PLEKHH1: variants seen among roughly 807,000 people sequenced by gnomAD.
PLEKHH1 encodes the protein pleckstrin homology, MyTH4 and FERM domain containing H1, also known as pleckstrin homology domain-containing family H member 1.
A neutral mutation model predicts 160.0 loss-of-function variants in PLEKHH1; 104 were observed. That is an observed-to-expected ratio of 0.65 (90% CI 0.55 to 0.76). The LOEUF is 0.76. Among genes scored for constraint, PLEKHH1 ranks in the 30% least tolerant of loss-of-function variants. The pLI is 0.00. For synonymous variants in PLEKHH1, 619 were observed against 678.4 expected (o/e 0.91, Z 1.36); for missense variants, 1,427 against 1,724.1 (o/e 0.83, Z 3.05).
At chr14:67,557,460 A>T (rs2034641420) in intron 4 of PLEKHH1, 42 bp downstream of exon 4, 1 of 1,590,274 alleles carries the variant, frequency 6.3e-7, no homozygotes, top group East Asian at 2.2e-5. Flanking sequence ...CCTCTTCGAC[A>T]TCTGTACTGC....
chr14:67,575,469 C>A lies in PLEKHH1; in HGVS notation c.2166C>A (p.Asp722Glu). 2 of 1,592,368 alleles carry A rather than the reference C, an allele frequency of 1.3e-6. No individual in the cohort carries two copies. Among genetic ancestry groups the A allele is most frequent in the Non-Finnish European group, 1.7e-6 (2 of 1,165,434 alleles). ...TCTACTACTATCGGAGCCATGAGGA[C>A]AAGGTACTTCTCAGCCTCCTCACAA... is the stretch of plus-strand genomic sequence containing the variant. ...KIFYYYRSHE[D>E]KRPLGCLPVR... The change falls in exon 15 of 29, where the codon GAC becomes GAA. Residue 722 changes from aspartate (D) to glutamate (E), a missense_variant. Asp to Glu is a conservative substitution (Grantham distance 45). Coordinates refer to ENST00000329153, the MANE Select transcript of PLEKHH1 (RefSeq NM_020715.3).
intron 28 of PLEKHH1, 134 bp downstream of exon 28, chr14:67,586,231 T>C (rs2036156199): frequency 1.7e-6 from 2 of 1,178,736 alleles, no homozygotes; most frequent in Admixed American, 1.7e-5. Context: ...TGTCTGTAAT[T>C]AGTATTCCAA....
At position 67,584,077 on chromosome 14, in the gene PLEKHH1, G is replaced by A. The variant is rs778960187; in HGVS notation, c.3652G>A (p.Val1218Met). 17 of 1,613,828 alleles carry A rather than the reference G, an allele frequency of 1.1e-5. No individual in the cohort carries two copies. Among genetic ancestry groups the A allele is most frequent in the African/African-American group, 5.3e-5 (4 of 74,928 alleles). The change falls in exon 26 of 29, where the codon GTG becomes ATG. Residue 1218 changes from valine to methionine, a missense_variant. Physicochemically the swap from Val to Met is conservative, Grantham distance 21 (BLOSUM62 1). This residue lies in a region of PLEKHH1 where 4 missense variants were observed against 16.8 expected (regional missense o/e 0.24). Transcript: ENST00000329153. The stretch of plus-strand genomic sequence containing the variant: ...TGAGTGCATCCGCATCTACCTGACC[G>A]TGGCCAGGAAATGGCCTTTCTTTGG... The part of the protein sequence containing the change: ...PPECIRIYLT[V>M]ARKWPFFGAK...
At chr14:67,544,330 A>G (rs1445477610) in intron 2 of PLEKHH1, among the ~76,000 whole-genome samples, 1 of 152,194 alleles carries the variant, frequency 6.6e-6, no homozygotes, top group Non-Finnish European at 1.5e-5. Flanking sequence ...GTGGTTTAGG[A>G]AACCCAAGTT....
intron 2 of PLEKHH1, among the ~76,000 whole-genome samples, chr14:67,542,497 C>CA (rs1354480241): frequency 1.3e-5 from 2 of 151,934 alleles, no homozygotes; most frequent in Non-Finnish European, 2.9e-5. Flanking sequence ...ACCTCTAAGG[C>CA]AAAAAAACAC....
At chr14:67,579,592 A>G in intron 21 of PLEKHH1, 129 bp from the exon 22 acceptor site, 1 of 907,056 alleles carries the variant, frequency 1.1e-6, no homozygotes, top group South Asian at 1.7e-5. Context: ...GAACACAGAA[A>G]CCAACTTGCT....
Position 67,570,004 on chromosome 14 carries a change from C to G in PLEKHH1, c.1426C>G (p.Leu476Val), listed in dbSNP as rs747329536. Residue 476 changes from leucine to valine, a missense_variant, in exon 9 of 29, where the codon CTG (leucine) becomes GTG (valine). Physicochemically the swap from Leu to Val is conservative, Grantham distance 32. Coordinates refer to ENST00000329153, the MANE Select transcript of PLEKHH1 (RefSeq NM_020715.3). ...TGTCACTGTGCCTGTCTACACAGCA[C>G]TGAAGGGGGTAAGAAACTGCTGCAC... ...KNVTVPVYTA[L>V]KGRATQISNM... The G allele has an allele frequency of 6.3e-7, 1 of 1,592,022 alleles. No homozygotes were observed. Among genetic ancestry groups the G allele is most frequent in the African/African-American group, 1.3e-5 (1 of 74,662 alleles).
chr14:67,584,403 T>C (rs563166070), intron 26 of PLEKHH1, among the ~76,000 whole-genome samples: 112 of 152,248 alleles, frequency 7.4e-4, no homozygotes, highest in African/African-American at 2.5e-3. Context: ...CTCTCAAGAG[T>C]GCTTTCATTT....
In PLEKHH1 at chr14:67,587,410, A is replaced by G; in HGVS notation, c.*175A>G. 1.4e-6 allele frequency: 1 copy of G among 694,932 alleles called. No individual in the cohort carries two copies. Among genetic ancestry groups the G allele is most frequent in the Non-Finnish European group, 2.4e-6 (1 of 409,712 alleles). 43.0% of individuals were successfully genotyped at this position (694,932 alleles called of 1,614,324 possible). On this transcript the variant is annotated 3_prime_UTR_variant, in exon 29 of 29. Transcript: ENST00000329153. The stretch of plus-strand genomic sequence containing the variant: ...CTCTCTAGGTGCCTTATAATGTTTC[A>G]GGGCTCAACTTTTTAAAATCCAGAC...
Position 67,564,929 on chromosome 14 carries a change from G to A in PLEKHH1, c.1263+2035G>A, listed in dbSNP as rs1277243776. On this transcript the variant is annotated intron_variant, in intron 7 of 28. Transcript: ENST00000329153. The stretch of plus-strand genomic sequence containing the variant: ...TGGTCTCGAACTCCCAGGCTCAGGT[G>A]GTCCTCCCACCTTGACCTCCCAAAG... Among the ~76,000 whole-genome samples, 6 of 152,060 alleles carry A rather than the reference G, an allele frequency of 3.9e-5. No individual in the cohort carries two copies. The East Asian group carries it at 9.6e-4, about 24-fold the overall frequency.
chr14:67,559,235 T>G (rs1182916422), intron 4 of PLEKHH1, among the ~76,000 whole-genome samples: 2 of 152,198 alleles, frequency 1.3e-5, no homozygotes, highest in Non-Finnish European at 2.9e-5. Flanking sequence ...CACATGCTTA[T>G]AGTTAAAAAT....
Position 67,545,071 on chromosome 14 carries a change from A to G in PLEKHH1, c.126+3078A>G, listed in dbSNP as rs574901007. Among the ~76,000 whole-genome samples, 3 of 152,362 alleles carry G rather than the reference A, an allele frequency of 2.0e-5. No individual in the cohort carries two copies. In the South Asian group the frequency reaches 6.2e-4, roughly 32 times the overall value. On this transcript the variant is annotated intron_variant, in intron 2 of 28. Transcript: ENST00000329153. ...ACCTCAAATAACAATGGCTTAAACC[A>G]GGCTGATGTTTCTTTCTTTCTCATG...
In PLEKHH1 at chr14:67,587,140, AC is replaced by A; in HGVS notation, c.4002del (p.Asn1335ThrfsTer42). ...NHCTTTVNPPTNPPGACQLWE... is the reference protein window; with the variant it reads ...NHCTTTVNPPXNPPGACQLWE... ...TTGCACTACAACTGTGAACCCCCCC[AC>A]CAACCCACCCGGAGCCTGCCAGCTG... On this transcript the variant is annotated frameshift_variant, in exon 29 of 29. Transcript: ENST00000329153. LOFTEE classifies it high-confidence loss of function. 6.2e-7 allele frequency: 1 copy of A among 1,613,710 alleles called. No individual in the cohort carries two copies. The highest frequency in any genetic ancestry group is 8.5e-7 in the Non-Finnish European group (1 of 1,179,790).
intron 28 of PLEKHH1, chr14:67,586,640 G>A: frequency 2.3e-6 from 1 of 439,920 alleles, no homozygotes; most frequent in South Asian, 2.0e-5. Context: ...CAAAGGCTAA[G>A]TTCTGATTTA....
Position 67,578,093 on chromosome 14 carries a change from C to T in PLEKHH1, c.2645C>T (p.Thr882Ile). ...GACTACCATGTGTCCCTGGCCCAGACCGCACTGCAGGTCTGCCTGGTTCAC... is the reference window on the plus strand; with the variant it reads ...GACTACCATGTGTCCCTGGCCCAGATCGCACTGCAGGTCTGCCTGGTTCAC... ...SVDYHVSLAQTALQVCLVHPE... is the reference protein window; with the variant it reads ...SVDYHVSLAQIALQVCLVHPE... Residue 882 changes from threonine to isoleucine, a missense_variant, in exon 19 of 29, where the codon ACC (threonine) becomes ATC (isoleucine). By Grantham distance (89) the Thr-to-Ile change is moderately conservative. This residue lies in a region of PLEKHH1 where 436 missense variants were observed against 607.5 expected (regional missense o/e 0.72). Transcript: ENST00000329153. This position sits in a 1 kb window ranked among gnomAD's most constrained non-coding sequence, Gnocchi z 5.0. The T allele has an allele frequency of 1.2e-6, 2 of 1,613,744 alleles. No individual in the cohort carries two copies. The highest frequency in any genetic ancestry group is 2.2e-5 in the South Asian group (2 of 91,062).
chr14:67,585,515 G>T, intron 26 of PLEKHH1, 53 bp from the exon 27 acceptor site: 1 of 1,261,168 alleles, frequency 7.9e-7, no homozygotes, highest in South Asian at 1.3e-5. Context: ...AGTTATTATA[G>T]TTCAAAATCT....
chr14:67,582,282 A>G lies in PLEKHH1; in HGVS notation c.3426+72A>G. ...ATGAATGCACCATGCAGCCTGAAAC[A>G]CAGGAGAGATTCTGCAGATCCTGTG... is the stretch of plus-strand genomic sequence containing the variant. On this transcript the variant is annotated intron_variant, in intron 24 of 28. Transcript: ENST00000329153. This position sits in a 1 kb window ranked among gnomAD's most constrained non-coding sequence, Gnocchi z 5.0. The G allele has an allele frequency of 6.2e-7, 1 of 1,607,560 alleles. No individual in the cohort carries two copies. The highest frequency in any genetic ancestry group is 8.5e-7 in the Non-Finnish European group (1 of 1,177,802).
At chr14:67,548,534 C>A (rs557673795) in intron 2 of PLEKHH1, among the ~76,000 whole-genome samples, 7 of 152,216 alleles carry the variant, frequency 4.6e-5, no homozygotes, top group Admixed American at 3.9e-4. Context: ...CCCGTCTCTA[C>A]TAAAAATACA....
chr14:67,583,535 TGATCTCTAATATTCGA>T (rs1343671104), intron 24 of PLEKHH1, among the ~76,000 whole-genome samples, 190 bp from the exon 25 acceptor site: 2 of 152,230 alleles, frequency 1.3e-5, no homozygotes, highest in Non-Finnish European at 2.9e-5. Flanking sequence ...AGTTGGTCGG[TGATCTCTAATATTCGA>T]GGGCCCTAAG....
Sources: gnomAD v4.1 joint callset for allele counts (sites outside exome capture counted in the v4.1 genomes callset) on GRCh38, gnomAD v4.1.1 for gene constraint, gnomAD v4.1.1 regional missense constraint, Gnocchi (gnomAD v3.1) non-coding constraint, MANE v1.5 for transcripts, NCBI Gene and HGNC (gene_info 2026-07-23, HGNC 2026-07-21) for gene names.